Variants in TRPM1 observed in about 807,000 individuals in gnomAD.
The protein encoded by TRPM1 is TRPM1-203 APA Isoform, Intron 10.
A neutral mutation model predicts 149.4 loss-of-function variants in TRPM1; 113 were observed. That is an observed-to-expected ratio of 0.76 (90% CI 0.65 to 0.88). The LOEUF is 0.88. TRPM1 is among the 40% of genes least tolerant of loss of function. The probability of loss-of-function intolerance (pLI) is 0.00; values close to 1 mark genes in which losing one functional copy is unlikely to be tolerated. For missense variants in TRPM1, 1,976 were observed against 2,038.7 expected, an observed-to-expected ratio of 0.97 and a Z score of 0.59; for synonymous variants, 741 against 759.5, an observed-to-expected ratio of 0.98 and a Z score of 0.40.
chr15:31,084,523 A>T (rs1005903651), intron 1 of TRPM1, among the ~76,000 whole-genome samples: 1 of 152,162 alleles, frequency 6.6e-6, no homozygotes, highest in Non-Finnish European at 1.5e-5. Context: ...TCATCCAGGT[A>T]GCGCAGATCA....
intron 22 of TRPM1, among the ~76,000 whole-genome samples, chr15:31,031,783 T>C (rs1362515151): frequency 6.6e-6 from 1 of 152,140 alleles, no homozygotes; most frequent in African/African-American, 2.4e-5. Flanking sequence ...CTGAAGCTCT[T>C]TTAGGTAATG....
At chr15:31,076,439 T>C (rs1160823980) in intron 3 of TRPM1, among the ~76,000 whole-genome samples, 4 of 152,226 alleles carry the variant, frequency 2.6e-5, no homozygotes, top group Non-Finnish European at 5.9e-5. Context: ...TTATAACAGA[T>C]GCATTTTAAT....
Position 31,042,022 on chromosome 15 carries a change from C to A in TRPM1, c.2016G>T (p.Lys672Asn), listed in dbSNP as rs2033631307. The change falls in exon 17 of 28, where the codon AAG becomes AAT. Residue 672 changes from lysine (K) to asparagine (N), a missense_variant. Lys to Asn is a moderately conservative substitution (Grantham distance 94, BLOSUM62 0). Coordinates refer to ENST00000256552, the MANE Select transcript of TRPM1 (RefSeq NM_001252024.2). ...TCTCGGAGGACTCGTGGGCCATGGCCTTGTAGAGCTTGCAGGCCACCAGGG... is the reference window on the plus strand; with the variant it reads ...TCTCGGAGGACTCGTGGGCCATGGCATTGTAGAGCTTGCAGGCCACCAGGG... ...AKALVACKLY[K>N]AMAHESSESD... is the part of the protein sequence containing the mutation. 1.2e-6 allele frequency: 2 copies of A among 1,614,082 alleles called. No homozygotes were observed. Among genetic ancestry groups the A allele is most frequent in the South Asian group, 2.2e-5 (2 of 91,094 alleles).
chr15:31,021,848 G>T (rs1186780549), intron 27 of TRPM1, among the ~76,000 whole-genome samples: 1 of 151,960 alleles, frequency 6.6e-6, no homozygotes, highest in East Asian at 1.9e-4. Flanking sequence ...TAAGCACAAG[G>T]CCAACTACAC....
chr15:31,078,886 C>T (rs1311467049), intron 2 of TRPM1, among the ~76,000 whole-genome samples: 3 of 152,188 alleles, frequency 2.0e-5, no homozygotes, highest in Non-Finnish European at 4.4e-5. Flanking sequence ...AGATTGAACT[C>T]CCATGAGTAG....
chr15:31,066,156 C>A lies in TRPM1; in HGVS notation c.710G>T (p.Gly237Val), dbSNP rs781324369. 6.2e-7 allele frequency: 1 copy of A among 1,614,144 alleles called. No individual in the cohort carries two copies. Among genetic ancestry groups the A allele is most frequent in the Non-Finnish European group, 8.5e-7 (1 of 1,180,020 alleles). ...CTCGGCGCCATACTTGCCCAGGGTGCCATTGTCAGCCAGGATGAAGTGGGT... is the reference window on the plus strand; with the variant it reads ...CTCGGCGCCATACTTGCCCAGGGTGACATTGTCAGCCAGGATGAAGTGGGT... ...SHTHFILADN[G>V]TLGKYGAEVK... is the part of the protein sequence containing the mutation. Residue 237 changes from glycine (G) to valine (V), a missense_variant, in exon 7 of 28, where the codon GGC becomes GTC. Transcript: ENST00000256552.
intron 27 of TRPM1, among the ~76,000 whole-genome samples, chr15:31,022,479 A>T (rs1384414293): frequency 6.6e-6 from 1 of 152,146 alleles, no homozygotes; most frequent in Non-Finnish European, 1.5e-5. Flanking sequence ...AATAATAATA[A>T]AAAAGGAGTT....
chr15:31,106,549 C>T (rs2035609958), upstream of TRPM1, among the ~76,000 whole-genome samples: 1 of 152,226 alleles, frequency 6.6e-6, no homozygotes, highest in Non-Finnish European at 1.5e-5. Flanking sequence ...GAGGACTTTA[C>T]ACACTTTTCT....
At chr15:31,056,095 G>C (rs2034077434) in intron 11 of TRPM1, among the ~76,000 whole-genome samples, 2 of 152,138 alleles carry the variant, frequency 1.3e-5, no homozygotes, top group African/African-American at 4.8e-5. Context: ...TTGTATAAAA[G>C]CTAAAGAAAA....
chr15:31,116,992 A>G (rs1187427761), intron 1 of TRPM1, among the ~76,000 whole-genome samples: 2 of 152,220 alleles, frequency 1.3e-5, no homozygotes, highest in African/African-American at 4.8e-5. Flanking sequence ...AGGGAACTAG[A>G]CTCAGATACA....
intron 1 of TRPM1, among the ~76,000 whole-genome samples, chr15:31,148,595 A>G (rs187517372): frequency 2.0e-5 from 3 of 152,180 alleles, no homozygotes; most frequent in Admixed American, 2.0e-4. Flanking sequence ...AAAAACTCCC[A>G]TGCCTCACCA....
chr15:31,113,499 T>G (rs549734732), intron 1 of TRPM1, among the ~76,000 whole-genome samples: 2 of 152,078 alleles, frequency 1.3e-5, no homozygotes, highest in African/African-American at 2.4e-5. Flanking sequence ...TTAAAGACAG[T>G]GACTGAGAAT....
intron 7 of TRPM1, among the ~76,000 whole-genome samples, chr15:31,064,078 C>T (rs1276583804): frequency 6.6e-6 from 1 of 152,166 alleles, no homozygotes; most frequent in African/African-American, 2.4e-5. Flanking sequence ...GGGCCAATCA[C>T]CAAATCACCA....
exon 1 of TRPM1, chr15:31,161,134 G>A (rs899073246): frequency 9.4e-6 from 6 of 636,666 alleles, no homozygotes; most frequent in African/African-American, 3.6e-5. Flanking sequence ...GGGCGAGGCC[G>A]GCCGGAGGCT....
Position 31,040,294 on chromosome 15 carries a change from C to T in TRPM1, c.2140G>A (p.Glu714Lys), listed in dbSNP as rs1355796117. The change falls in exon 18 of 28, where the codon GAG becomes AAG. Residue 714 changes from glutamate to lysine, a missense_variant. Coordinates refer to ENST00000256552, the MANE Select transcript of TRPM1 (RefSeq NM_001252024.2). This position sits in a 1 kb window ranked among gnomAD's most constrained non-coding sequence, Gnocchi z 4.2. ...GTCAGGAGTTTCATAGCGATCTGCT[C>T]GTCATGCTTATAGGACTGGTCTAAT... is the stretch of plus-strand genomic sequence containing the variant. ...ELLDQSYKHD[E>K]QIAMKLLTYE... The T allele has an allele frequency of 5.6e-6, 9 of 1,614,056 alleles. No homozygotes were observed. Among genetic ancestry groups the T allele is most frequent in the Non-Finnish European group, 7.6e-6 (9 of 1,180,052 alleles).
chr15:31,102,983 G>A (rs555404999), upstream of TRPM1, among the ~76,000 whole-genome samples: 23 of 152,186 alleles, frequency 1.5e-4, no homozygotes, highest in Non-Finnish European at 2.9e-4. Context: ...AGGGTGCTAC[G>A]TGGCCGGAAT....
intron 27 of TRPM1, among the ~76,000 whole-genome samples, chr15:31,017,926 C>T (rs184814739): frequency 1.3e-5 from 2 of 152,358 alleles, no homozygotes; most frequent in East Asian, 3.9e-4. Context: ...AAGGTCCAAA[C>T]TCATGTCCTT....
chr15:31,114,778 AAACT>A (rs1471633380), intron 1 of TRPM1, among the ~76,000 whole-genome samples: 7 of 152,258 alleles, frequency 4.6e-5, no homozygotes, highest in Non-Finnish European at 8.8e-5. Flanking sequence ...ATTTTTAGAC[AAACT>A]AACAGAGTTA....
Position 31,047,162 on chromosome 15 carries a change from G to A in TRPM1, c.1713C>T (p.Tyr571=), listed in dbSNP as rs759877600. The A allele has an allele frequency of 6.2e-7, 1 of 1,614,248 alleles. No individual in the cohort carries two copies. Among genetic ancestry groups the A allele is most frequent in the Admixed American group, 1.7e-5 (1 of 60,032 alleles). ...AAAGGGTCCGAAAGTTTTTCCGAGT[G>A]TAGTTGCAGCGGTAGGCTCCTCCCA... ...YLMGGAYRCN[Y]TRKNFRTLYN... The change falls in exon 15 of 28, where the codon TAC becomes TAT. Residue 571 remains tyrosine (Y), a synonymous_variant. Transcript: ENST00000256552.
Sources: gnomAD v4.1 joint callset for allele counts (sites outside exome capture counted in the v4.1 genomes callset) on GRCh38, gnomAD v4.1.1 for gene constraint, Gnocchi (gnomAD v3.1) non-coding constraint, MANE v1.5 for transcripts, NCBI Gene and HGNC (gene_info 2026-07-23, HGNC 2026-07-21) for gene names.